Variants in C6orf62 observed in about 807,000 individuals in gnomAD.
The protein encoded by C6orf62 is chromosome 6 open reading frame 62.
Under a neutral mutation model 26.8 loss-of-function variants are expected in C6orf62, and 16 were observed. The ratio of observed to expected loss-of-function variants is 0.60; its 90% confidence interval spans 0.40 to 0.91. C6orf62 has a LOEUF of 0.91. C6orf62 is among the 40% of genes least tolerant of loss of function. The pLI, the probability that C6orf62 is intolerant of heterozygous loss-of-function variation, is 0.00. For synonymous variants in C6orf62, 112 were observed against 91.5 expected (o/e 1.22, Z -1.28); for missense variants, 192 against 271.4 (o/e 0.71, Z 2.06).
chr6:24,720,011 A>ATGGGGGGGGG, upstream of C6orf62: 5 of 1,502,084 alleles, frequency 3.3e-6, no homozygotes, highest in Non-Finnish European at 4.5e-6. Context: ...CTTCTAAAGT[A>ATGGGGGGGGG]AGCCCACCCA....
At chr6:24,712,938 A>G (rs976772891) in intron 3 of C6orf62, among the ~76,000 whole-genome samples, 2 of 152,218 alleles carry the variant, frequency 1.3e-5, no homozygotes, top group African/African-American at 4.8e-5. Flanking sequence ...GAGAGCAGCT[A>G]GAGTTATCAG....
Position 24,719,133 on chromosome 6 carries a change from G to A in C6orf62, c.-465C>T, listed in dbSNP as rs941015036. On this transcript the variant is annotated 5_prime_UTR_variant, in exon 1 of 5. Transcript: ENST00000378119. ...GAAAAGGGATTAAGGAACAGGGAGG[G>A]GGAAGTGTGATCCTTGCTTTCCAAA... 25 of 982,558 alleles carry A rather than the reference G, an allele frequency of 2.5e-5. No individual in the cohort carries two copies. The highest frequency in any genetic ancestry group is 3.0e-5 in the Non-Finnish European group (25 of 830,010). The allele number at this position is 982,558 out of a possible 1,614,324, so 60.9% of individuals were successfully genotyped here.
At chr6:24,711,269 C>CA (rs1210571728) in intron 3 of C6orf62, among the ~76,000 whole-genome samples, 1 of 152,016 alleles carries the variant, frequency 6.6e-6, no homozygotes, top group Non-Finnish European at 1.5e-5. Flanking sequence ...CACACACACA[C>CA]AACTTCTCAT....
intron 2 of C6orf62, among the ~76,000 whole-genome samples, chr6:24,715,946 G>A (rs1272546076): frequency 6.6e-6 from 1 of 150,494 alleles, no homozygotes; most frequent in Non-Finnish European, 1.5e-5. Flanking sequence ...ATGGTCTGGC[G>A]TAAAAAAACG....
At position 24,718,800 on chromosome 6, in the gene C6orf62, A is replaced by G; in HGVS notation, c.-132T>C. On this transcript the variant is annotated 5_prime_UTR_variant, in exon 1 of 5. Transcript: ENST00000378119. ...ATATGATTGATTAGCGAAAATCACG[A>G]CTATAACCCAAAAACTGCACCTTCT... 6.5e-7 allele frequency: 1 copy of G among 1,535,278 alleles called. No homozygotes were observed. Among genetic ancestry groups the G allele is most frequent in the Non-Finnish European group, 8.7e-7 (1 of 1,150,648 alleles).
At chr6:24,718,057 A>G (rs1302158858) in intron 1 of C6orf62, among the ~76,000 whole-genome samples, 1 of 152,252 alleles carries the variant, frequency 6.6e-6, no homozygotes, top group African/African-American at 2.4e-5. Context: ...CCATTTCAGT[A>G]TTTAATTGCT....
Position 24,718,727 on chromosome 6 carries a change from T to G in C6orf62, c.-59A>C. ...ATTGTCACTAAACTATGGGCACTTT[T>G]TCTTAAGACTCAAGTACAACAGAAA... On this transcript the variant is annotated 5_prime_UTR_variant, in exon 1 of 5. Coordinates refer to ENST00000378119, the MANE Select transcript of C6orf62 (RefSeq NM_030939.5). 1 of 1,597,408 alleles carries G rather than the reference T, an allele frequency of 6.3e-7. No individual in the cohort carries two copies. The highest frequency in any genetic ancestry group is 8.5e-7 in the Non-Finnish European group (1 of 1,176,314).
At position 24,705,962 on chromosome 6, in the gene C6orf62, T is replaced by G. The variant is rs1328154018; in HGVS notation, c.*175A>C. Reference sequence around the variant, plus strand: ...CCGTGCACGACATCTAATTTTTGTTTAAGTTCTGAGATAAAAATGATTTAA... The same window carrying G: ...CCGTGCACGACATCTAATTTTTGTTGAAGTTCTGAGATAAAAATGATTTAA... On this transcript the variant is annotated 3_prime_UTR_variant, in exon 5 of 5. Coordinates refer to ENST00000378119, the MANE Select transcript of C6orf62 (RefSeq NM_030939.5). 6 of 975,422 alleles carry G rather than the reference T, an allele frequency of 6.2e-6. No homozygotes were observed. The highest frequency in any genetic ancestry group is 8.6e-6 in the Non-Finnish European group (6 of 696,982). 60.4% of individuals were successfully genotyped at this position (975,422 alleles called of 1,614,324 possible). A position where few individuals can be genotyped will look rare whatever the true frequency, so the allele number is the denominator to read the frequency against.
chr6:24,719,106 T>A lies in C6orf62; in HGVS notation c.-438A>T, dbSNP rs1445939124. 6.2e-6 allele frequency: 6 copies of A among 965,772 alleles called. No homozygotes were observed. The highest frequency in any genetic ancestry group is 7.3e-6 in the Non-Finnish European group (6 of 824,564). 59.8% of individuals were successfully genotyped at this position (965,772 alleles called of 1,614,324 possible). On this transcript the variant is annotated 5_prime_UTR_variant, in exon 1 of 5. Coordinates refer to ENST00000378119, the MANE Select transcript of C6orf62 (RefSeq NM_030939.5). ...ATCCATCCGGATTTTCCCCCCTTTTTAGAAAAGGGATTAAGGAACAGGGAG... is the reference window on the plus strand; with the variant it reads ...ATCCATCCGGATTTTCCCCCCTTTTAAGAAAAGGGATTAAGGAACAGGGAG...
At chr6:24,720,139 G>T (rs1779326012), upstream of C6orf62, 1 of 1,385,796 alleles carries the variant, frequency 7.2e-7, no homozygotes, top group Non-Finnish European at 9.3e-7. Context: ...GGGGCAGGGG[G>T]TGGAATTGAG....
At chr6:24,715,372 T>TC (rs1292820456) in intron 2 of C6orf62, among the ~76,000 whole-genome samples, 1 of 151,848 alleles carries the variant, frequency 6.6e-6, no homozygotes, top group Non-Finnish European at 1.5e-5. Context: ...ATATTCATAT[T>TC]CCCCCCAAAA....
chr6:24,719,821 T>TGCCCCCCCCCC, upstream of C6orf62: 1 of 829,408 alleles, frequency 1.2e-6, no homozygotes, highest in Non-Finnish European at 1.8e-6. Context: ...CCCCCGCAGG[T>TGCCCCCCCCCC]CCCACCCCCA....
upstream of C6orf62, chr6:24,720,061 C>A (rs941194509): frequency 1.6e-6 from 2 of 1,232,336 alleles, no homozygotes; most frequent in South Asian, 1.4e-5. Flanking sequence ...TTAGCTCTCT[C>A]TCACGTTGAA....
intron 3 of C6orf62, among the ~76,000 whole-genome samples, chr6:24,712,751 T>C (rs936494884): frequency 3.4e-5 from 5 of 148,686 alleles, no homozygotes; most frequent in Non-Finnish European, 3.0e-5. Context: ...ACATCAGCCA[T>C]GACTTCAAAG....
chr6:24,709,480 T>A, intron 3 of C6orf62: 1 of 954,774 alleles, frequency 1.0e-6, no homozygotes, highest in Non-Finnish European at 1.2e-6. Flanking sequence ...CGTGACCGTA[T>A]GCAAATCCCT....
chr6:24,717,954 T>TAG, intron 1 of C6orf62, among the ~76,000 whole-genome samples: 1 of 152,362 alleles, frequency 6.6e-6, no homozygotes, highest in East Asian at 1.9e-4. Context: ...AAACTTCCTC[T>TAG]AGGTCATTTT....
At chr6:24,710,543 C>T (rs796836472) in intron 3 of C6orf62, 5 of 970,452 alleles carry the variant, frequency 5.2e-6, no homozygotes, top group Non-Finnish European at 6.1e-6. Flanking sequence ...GGATTACAGG[C>T]GTGAGCAACC....
At chr6:24,712,562 G>A (rs539386716) in intron 3 of C6orf62, among the ~76,000 whole-genome samples, 2 of 151,568 alleles carry the variant, frequency 1.3e-5, no homozygotes, top group South Asian at 2.1e-4. Context: ...CCAGCTACTC[G>A]GGAGGCTAAG....
rs936323386 is a variant in C6orf62, at chr6:24,714,195, G to C, written c.429+123C>G. 5.7e-6 allele frequency: 4 copies of C among 706,686 alleles called. No individual in the cohort carries two copies. In the African/African-American group the frequency reaches 7.4e-5, roughly 13 times the overall value. The allele number at this position is 706,686 out of a possible 1,614,324, so 43.8% of individuals were successfully genotyped here. On this transcript the variant is annotated intron_variant, in intron 3 of 4. Transcript: ENST00000378119. ...CTCTTGCATCACAATATTCTAAATA[G>C]GGGAGACTCGTGAAATAAAACTATC...
Sources: gnomAD v4.1 joint callset for allele counts (sites outside exome capture counted in the v4.1 genomes callset) on GRCh38, gnomAD v4.1.1 for gene constraint, MANE v1.5 for transcripts, NCBI Gene and HGNC (gene_info 2026-07-23, HGNC 2026-07-21) for gene names.